TMEM131L: variants seen among roughly 807,000 people sequenced by gnomAD.
TMEM131L encodes the protein transmembrane protein 131-like.
Under a neutral mutation model 192.2 loss-of-function variants are expected in TMEM131L, and 54 were observed. That is an observed-to-expected ratio of 0.28 (90% CI 0.23 to 0.35). TMEM131L has a LOEUF of 0.35. TMEM131L is among the 10% of genes least tolerant of loss of function. The pLI, the probability that TMEM131L is intolerant of heterozygous loss-of-function variation, is 1.00. For synonymous variants in TMEM131L, 701 were observed against 704.9 expected (o/e 0.99, Z 0.09); for missense variants, 1,888 against 1,972.9 (o/e 0.96, Z 0.82).
At chr4:153,471,341 CT>C (rs1459506324) in intron 2 of TMEM131L, among the ~76,000 whole-genome samples, 2 of 152,116 alleles carry the variant, frequency 1.3e-5, no homozygotes, top group African/African-American at 4.8e-5. Flanking sequence ...TAACTGGGTT[CT>C]CCTTTGAGGG....
chr4:153,516,057 G>C (rs1350848356), intron 3 of TMEM131L, among the ~76,000 whole-genome samples: 1 of 151,758 alleles, frequency 6.6e-6, no homozygotes, highest in Non-Finnish European at 1.5e-5. Flanking sequence ...TTTTACGTTA[G>C]ATTAATTGTA....
chr4:153,507,377 G>A (rs1161474635), intron 3 of TMEM131L, among the ~76,000 whole-genome samples: 1 of 152,196 alleles, frequency 6.6e-6, no homozygotes, highest in Admixed American at 6.5e-5. Context: ...AGTGGGATCT[G>A]CGTGGCACAT....
At chr4:153,524,436 G>C (rs1428200179) in intron 3 of TMEM131L, among the ~76,000 whole-genome samples, 1 of 152,136 alleles carries the variant, frequency 6.6e-6, no homozygotes, top group Non-Finnish European at 1.5e-5. Flanking sequence ...TAATATCAAG[G>C]ACACAGATAT....
At chr4:153,618,629 G>A (rs1733166505) in intron 26 of TMEM131L, among the ~76,000 whole-genome samples, 2 of 152,114 alleles carry the variant, frequency 1.3e-5, no homozygotes, top group East Asian at 3.8e-4. Flanking sequence ...GAGGCAGAGA[G>A]GCTAAGTAAC....
At chr4:153,510,494 G>A (rs111912173) in intron 3 of TMEM131L, among the ~76,000 whole-genome samples, 3,030 of 152,226 alleles carry the variant, frequency 0.02, 47 homozygotes, top group Middle Eastern at 0.031. Flanking sequence ...TGCCAAGTAG[G>A]GGGATAATTA....
chr4:153,566,096 ATGT>A (rs767979371), intron 7 of TMEM131L, among the ~76,000 whole-genome samples: 2 of 152,000 alleles, frequency 1.3e-5, no homozygotes, highest in African/African-American at 4.8e-5. Flanking sequence ...ATTGTAAATA[ATGT>A]TGTTGTTAAA....
In TMEM131L at chr4:153,621,774, C is replaced by T; in HGVS notation, c.3784C>T (p.Gln1262Ter). 1 of 1,614,142 alleles carries T rather than the reference C, an allele frequency of 6.2e-7. No individual in the cohort carries two copies. Among genetic ancestry groups the T allele is most frequent in the Non-Finnish European group, 8.5e-7 (1 of 1,180,028 alleles). The change falls in exon 28 of 35, where the codon CAG (glutamine) becomes TAG (stop). Residue 1262 changes from glutamine to a stop codon, truncating the protein, a stop_gained. Coordinates refer to ENST00000409959, the MANE Select transcript of TMEM131L (RefSeq NM_001131007.2). LOFTEE classifies it high-confidence loss of function. ...SDINVRSWCI[Q>*]ESTREVCKAD... ...CATCAATGTAAGAAGCTGGTGTATA[C>T]AGGAAAGCACTAGGGAGGTTTGTAA...
At chr4:153,632,662 G>T in intron 31 of TMEM131L, 56 bp from the exon 32 acceptor site, 1 of 1,607,772 alleles carries the variant, frequency 6.2e-7, no homozygotes, top group Non-Finnish European at 8.5e-7. Context: ...TGCAGGAAGG[G>T]TAGGATGAGG....
intron 3 of TMEM131L, among the ~76,000 whole-genome samples, chr4:153,474,461 G>C (rs557029523): frequency 6.6e-6 from 1 of 152,216 alleles, no homozygotes; most frequent in South Asian, 2.1e-4. Flanking sequence ...AAGCCCTGCC[G>C]GCAATCCAGG....
At chr4:153,536,399 T>C (rs989930524) in intron 3 of TMEM131L, among the ~76,000 whole-genome samples, 3 of 152,224 alleles carry the variant, frequency 2.0e-5, no homozygotes, top group African/African-American at 7.2e-5. Context: ...ATCTGTATAA[T>C]TAAGAACAAT....
chr4:153,612,376 G>C lies in TMEM131L; in HGVS notation c.3543G>C (p.Glu1181Asp), dbSNP rs1278362858. The C allele has an allele frequency of 6.3e-7, 1 of 1,594,254 alleles. No individual in the cohort carries two copies. The highest frequency in any genetic ancestry group is 2.3e-5 in the East Asian group (1 of 44,346). Residue 1181 changes from glutamate (E) to aspartate (D), a missense_variant, in exon 26 of 35, where the codon GAG (glutamate) becomes GAC (aspartate). By Grantham distance (45) the Glu-to-Asp change is conservative (BLOSUM62 2). Transcript: ENST00000409959. The part of the protein sequence containing the change: ...HKTSREDMFS[E>D]KQDIPFVEQE... Reference sequence around the variant, plus strand: ...CATCTAGAGAAGACATGTTTTCTGAGAAACAGGACATACCTTTCGTAGAGG... The same window carrying C: ...CATCTAGAGAAGACATGTTTTCTGACAAACAGGACATACCTTTCGTAGAGG...
At chr4:153,595,724 A>AAAAAAC (rs1561225963) in intron 19 of TMEM131L, among the ~76,000 whole-genome samples, 1 of 149,666 alleles carries the variant, frequency 6.7e-6, no homozygotes, top group Non-Finnish European at 1.5e-5. Flanking sequence ...CAAAAAAAAA[A>AAAAAAC]AAAAACACGA....
At chr4:153,594,042 G>T (rs557357574) in intron 19 of TMEM131L, among the ~76,000 whole-genome samples, 171 bp downstream of exon 19, 2 of 152,082 alleles carry the variant, frequency 1.3e-5, no homozygotes, top group African/African-American at 2.4e-5. Flanking sequence ...TAACTAGTGC[G>T]GTAGGAGCTG....
intron 18 of TMEM131L, among the ~76,000 whole-genome samples, chr4:153,593,516 T>C (rs1731214173): frequency 6.6e-6 from 1 of 152,222 alleles, no homozygotes; most frequent in South Asian, 2.1e-4. Context: ...TTAGAGCTTC[T>C]GTCACCATAT....
chr4:153,575,724 TATCTG>T (rs1365419962), intron 7 of TMEM131L, among the ~76,000 whole-genome samples: 1 of 152,188 alleles, frequency 6.6e-6, no homozygotes, highest in Non-Finnish European at 1.5e-5. Context: ...TTCTATAAAA[TATCTG>T]ATCTGATTTG....
chr4:153,508,802 G>A lies in TMEM131L; in HGVS notation c.239+34914G>A, dbSNP rs115828219. Reference sequence around the variant, plus strand: ...TGGGACTACAGGCACATATCACCACGCCCTGCTAATTTTTTATTTTTCATA... The same window carrying A: ...TGGGACTACAGGCACATATCACCACACCCTGCTAATTTTTTATTTTTCATA... On this transcript the variant is annotated intron_variant, in intron 3 of 34. Coordinates refer to ENST00000409959, the MANE Select transcript of TMEM131L (RefSeq NM_001131007.2). Among the ~76,000 whole-genome samples the A allele has an allele frequency of 7.7e-3, 1,156 of 150,712 alleles. 22 individuals carry two copies. In the East Asian group the frequency reaches 0.1, roughly 13 times the overall value.
chr4:153,475,788 T>G (rs1731489153), intron 3 of TMEM131L, among the ~76,000 whole-genome samples: 1 of 152,206 alleles, frequency 6.6e-6, no homozygotes, highest in Non-Finnish European at 1.5e-5. Flanking sequence ...TTAGGTATTA[T>G]TAGTAACCTA....
At position 153,558,300 on chromosome 4, in the gene TMEM131L, G is replaced by A; in HGVS notation, c.592G>A (p.Ala198Thr). Residue 198 changes from alanine (A) to threonine (T), a missense_variant, in exon 7 of 35, where the codon GCA becomes ACA. Transcript: ENST00000409959. ...TCGTAGAATCTCTACAGAAGGGTCT[G>A]CAAAGCAGCTACCAAATGCTTATTT... ...GTRRISTEGSAKQLPNAYFLL... is the reference protein window; with the variant it reads ...GTRRISTEGSTKQLPNAYFLL... The A allele has an allele frequency of 6.2e-7, 1 of 1,609,390 alleles. No individual in the cohort carries two copies. Among genetic ancestry groups the A allele is most frequent in the Non-Finnish European group, 8.5e-7 (1 of 1,176,426 alleles).
intron 7 of TMEM131L, among the ~76,000 whole-genome samples, chr4:153,568,062 T>C (rs977658993): frequency 2.6e-5 from 4 of 152,214 alleles, no homozygotes; most frequent in Non-Finnish European, 5.9e-5. Flanking sequence ...TGTTGTACAT[T>C]TACTTATCTA....
Sources: gnomAD v4.1 joint callset for allele counts (sites outside exome capture counted in the v4.1 genomes callset) on GRCh38, gnomAD v4.1.1 for gene constraint, MANE v1.5 for transcripts, NCBI Gene and HGNC (gene_info 2026-07-23, HGNC 2026-07-21) for gene names.